The following SPOCK1 variants were observed in gnomAD, a reference collection of about 807,000 sequenced individuals.
SPOCK1 encodes testican-1.
SPOCK1 carries 23 observed loss-of-function variants against 55.3 expected under a neutral mutation model. That is an observed-to-expected ratio of 0.42 (90% CI 0.30 to 0.59). SPOCK1 has a LOEUF of 0.59. SPOCK1 is among the 20% of genes least tolerant of loss of function. The probability of loss-of-function intolerance (pLI) is 0.22; values close to 1 mark genes in which losing one functional copy is unlikely to be tolerated. For missense variants in SPOCK1, 499 were observed against 552.5 expected (o/e 0.90, Z 0.97); for synonymous variants, 226 against 221.0 (o/e 1.02, Z -0.20).
intron 2 of SPOCK1, among the ~76,000 whole-genome samples, chr5:137,382,317 G>T (rs970222914): frequency 2.0e-5 from 3 of 152,136 alleles, no homozygotes; most frequent in Non-Finnish European, 4.4e-5. Flanking sequence ...ACATCTTTCT[G>T]TCTTCTTCTG....
At chr5:137,176,498 C>T (rs1487391196) in intron 3 of SPOCK1, among the ~76,000 whole-genome samples, 1 of 72,570 alleles carries the variant, frequency 1.4e-5, no homozygotes, top group Non-Finnish European at 2.9e-5. Context: ...TCTCCCCCAC[C>T]ACAATGTGTG....
intron 3 of SPOCK1, among the ~76,000 whole-genome samples, chr5:137,259,491 G>A (rs1390022880): frequency 1.3e-5 from 2 of 152,084 alleles, no homozygotes; most frequent in Non-Finnish European, 2.9e-5. Context: ...GCCTGTTGGG[G>A]GATGGGGAAC....
At chr5:137,144,467 T>G (rs2127053968) in intron 3 of SPOCK1, among the ~76,000 whole-genome samples, 1 of 152,358 alleles carries the variant, frequency 6.6e-6, no homozygotes, top group East Asian at 1.9e-4. Flanking sequence ...CAAACATGTA[T>G]GCAAATTATT....
At chr5:137,405,899 T>C (rs1471767582) in intron 2 of SPOCK1, among the ~76,000 whole-genome samples, 1 of 152,066 alleles carries the variant, frequency 6.6e-6, no homozygotes, top group Non-Finnish European at 1.5e-5. Flanking sequence ...CTTCCTGCAA[T>C]GGCCGAGTCT....
At chr5:137,437,389 G>A (rs529167590) in intron 2 of SPOCK1, among the ~76,000 whole-genome samples, 5 of 152,144 alleles carry the variant, frequency 3.3e-5, no homozygotes, top group Non-Finnish European at 7.4e-5. Flanking sequence ...CAATAAAAGA[G>A]ATTAAGTTTT....
rs577483728 is a variant in SPOCK1 at position 137,484,407 on chromosome 5, C to T, written c.186+13966G>A. On this transcript the variant is annotated intron_variant, in intron 2 of 10. Transcript: ENST00000394945. ...TCTCACACCTGTTTCCCTGACAAAA[C>T]TCAAGTGGGATCAGGAAAACATTCC... Among the ~76,000 whole-genome samples the T allele has an allele frequency of 5.9e-5, 9 of 152,340 alleles. No individual in the cohort carries two copies. In the South Asian group the frequency reaches 1.9e-3, roughly 32 times the overall value.
chr5:137,281,125 C>T (rs1757158839), intron 2 of SPOCK1, among the ~76,000 whole-genome samples: 1 of 151,898 alleles, frequency 6.6e-6, no homozygotes. Flanking sequence ...TCTATATATT[C>T]ATTCATTTAT....
intron 2 of SPOCK1, among the ~76,000 whole-genome samples, chr5:137,336,208 G>A (rs936631029): frequency 1.3e-5 from 2 of 152,280 alleles, no homozygotes; most frequent in African/African-American, 2.4e-5. Context: ...CTGAGCAGAC[G>A]GCAAGTTTCC....
chr5:137,028,496 A>G (rs1301865814), intron 6 of SPOCK1, among the ~76,000 whole-genome samples: 1 of 152,174 alleles, frequency 6.6e-6, no homozygotes, highest in Non-Finnish European at 1.5e-5. Context: ...TGCTGCCAGC[A>G]TCCCAGAGAC....
intron 3 of SPOCK1, among the ~76,000 whole-genome samples, chr5:137,246,920 G>A (rs1032382351): frequency 1.2e-4 from 19 of 152,170 alleles, no homozygotes; most frequent in African/African-American, 4.6e-4. Flanking sequence ...ACCTAAATCC[G>A]AAGCCCCATC....
chr5:137,451,649 T>C (rs188139346), intron 2 of SPOCK1, among the ~76,000 whole-genome samples: 21 of 152,342 alleles, frequency 1.4e-4, no homozygotes, highest in Admixed American at 3.9e-4. Context: ...CCTTGATCTA[T>C]GTAGAAATAA....
intron 2 of SPOCK1, 72 bp downstream of exon 2, chr5:137,498,301 C>CACA: frequency 7.1e-7 from 1 of 1,402,088 alleles, no homozygotes; most frequent in Non-Finnish European, 9.4e-7. Flanking sequence ...CACACACACA[C>CACA]CCCAACCCCG....
intron 6 of SPOCK1, among the ~76,000 whole-genome samples, chr5:136,994,123 C>A (rs1278934262): frequency 6.6e-6 from 1 of 152,178 alleles, no homozygotes; most frequent in African/African-American, 2.4e-5. Flanking sequence ...TGGGGACTCT[C>A]ATTTACGACG....
At chr5:137,381,819 C>A (rs1751477137) in intron 2 of SPOCK1, among the ~76,000 whole-genome samples, 1 of 152,240 alleles carries the variant, frequency 6.6e-6, no homozygotes, top group Non-Finnish European at 1.5e-5. Flanking sequence ...GAGGCATTTT[C>A]TGCATTGTCT....
At chr5:137,262,882 T>C (rs1756775526) in intron 3 of SPOCK1, among the ~76,000 whole-genome samples, 1 of 152,238 alleles carries the variant, frequency 6.6e-6, no homozygotes. Flanking sequence ...AAACAATCAA[T>C]GACTTGCTGA....
chr5:137,326,456 A>G (rs998501856), intron 2 of SPOCK1, among the ~76,000 whole-genome samples: 1 of 152,180 alleles, frequency 6.6e-6, no homozygotes, highest in African/African-American at 2.4e-5. Context: ...TGGCAATCCC[A>G]TATGAAGGAC....
rs532215965 is a variant in SPOCK1, at chr5:137,122,916, C to T, written c.348-10355G>A. ...GTAATTGTTTTCTGGTCACCAGCAG[C>T]AAAGCCCCCTGTTCTGGGAGGGCTG... is the stretch of plus-strand genomic sequence containing the variant. On this transcript the variant is annotated intron_variant, in intron 4 of 10. Coordinates refer to ENST00000394945, the MANE Select transcript of SPOCK1 (RefSeq NM_004598.4). 6.9e-4 allele frequency among the ~76,000 whole-genome samples: 105 copies of T among 152,332 alleles called. 1 individual carries two copies. Among genetic ancestry groups the T allele is most frequent in the African/African-American group, 2.4e-3 (99 of 41,568 alleles).
At chr5:137,249,940 T>C (rs1561484092) in intron 3 of SPOCK1, among the ~76,000 whole-genome samples, 2 of 152,204 alleles carry the variant, frequency 1.3e-5, no homozygotes, top group Non-Finnish European at 2.9e-5. Flanking sequence ...TAAAACCTGG[T>C]TGAGGAGACA....
chr5:137,104,610 C>T (rs796090631), intron 5 of SPOCK1, among the ~76,000 whole-genome samples: 8 of 152,094 alleles, frequency 5.3e-5, no homozygotes, highest in East Asian at 3.9e-4. Flanking sequence ...GCCTGAGCTC[C>T]GCTTCGTGTC....
Sources: gnomAD v4.1 joint callset for allele counts (sites outside exome capture counted in the v4.1 genomes callset) on GRCh38, gnomAD v4.1.1 for gene constraint, MANE v1.5 for transcripts, NCBI Gene and HGNC (gene_info 2026-07-23, HGNC 2026-07-21) for gene names.